TYW3: variants seen among roughly 807,000 people sequenced by gnomAD.
TYW3 encodes tRNA wybutosine-synthesizing protein 3 homolog.
In TYW3, 26 loss-of-function variants were observed where a neutral mutation model predicts 23.1. The ratio of observed to expected loss-of-function variants is 1.13; its 90% CI spans 0.83 to 1.56. TYW3 has a LOEUF of 1.56. Among genes scored for constraint, TYW3 ranks in the 40% most tolerant of loss-of-function variants. The pLI is 0.00. For missense variants in TYW3, 316 were observed against 311.9 expected (o/e 1.01, Z -0.10); for synonymous variants, 102 against 105.7 (o/e 0.97, Z 0.21).
intron 1 of TYW3, among the ~76,000 whole-genome samples, chr1:74,733,684 G>A (rs1338373468): frequency 6.6e-6 from 1 of 152,186 alleles, no homozygotes; most frequent in African/African-American, 2.4e-5. Flanking sequence ...TTTCTAACAA[G>A]TGCCCAAATG....
In TYW3 at chr1:74,764,298, T is replaced by C. The variant is rs1291474227; in HGVS notation, c.*185T>C. Reference sequence around the variant, plus strand: ...CAGTTGTCATCTAAGCTCTCAGCAGTACCCGGCTTATCCTACGACTTCACC... The same window carrying C: ...CAGTTGTCATCTAAGCTCTCAGCAGCACCCGGCTTATCCTACGACTTCACC... On this transcript the variant is annotated 3_prime_UTR_variant, in exon 6 of 6. Coordinates refer to ENST00000370867, the MANE Select transcript of TYW3 (RefSeq NM_138467.3). The C allele has an allele frequency of 1.9e-6, 1 of 517,076 alleles. No homozygotes were observed. The highest frequency in any genetic ancestry group is 3.4e-6 in the Non-Finnish European group (1 of 297,276). 32.0% of individuals were successfully genotyped at this position (517,076 alleles called of 1,614,324 possible).
At chr1:74,746,945 A>T (rs1364602834) in intron 3 of TYW3, among the ~76,000 whole-genome samples, 2 of 152,232 alleles carry the variant, frequency 1.3e-5, no homozygotes, top group African/African-American at 4.8e-5. Context: ...AACAGCAAAA[A>T]TAAAGAAGTT....
intron 3 of TYW3, among the ~76,000 whole-genome samples, chr1:74,747,817 A>ATG (rs1451716124): frequency 8.3e-6 from 1 of 120,908 alleles, no homozygotes; most frequent in Non-Finnish European, 2.1e-5. Context: ...GTACACACAT[A>ATG]TGTATATATA....
At chr1:74,744,054 C>T (rs147774584) in intron 3 of TYW3, among the ~76,000 whole-genome samples, 134 of 152,080 alleles carry the variant, frequency 8.8e-4, no homozygotes, top group African/African-American at 2.2e-3. Flanking sequence ...ATAGCCCAGG[C>T]GTTTTTGTGG....
intron 3 of TYW3, among the ~76,000 whole-genome samples, chr1:74,743,613 C>G (rs1250132597): frequency 6.6e-6 from 1 of 152,098 alleles, no homozygotes; most frequent in Non-Finnish European, 1.5e-5. Context: ...TTTCCTAATT[C>G]TCCTTAGTCC....
At chr1:74,757,418 C>A (rs1648991740) in intron 5 of TYW3, among the ~76,000 whole-genome samples, 1 of 152,242 alleles carries the variant, frequency 6.6e-6, no homozygotes, top group African/African-American at 2.4e-5. Flanking sequence ...GGATGTGAGA[C>A]ATGGAGTCAA....
At chr1:74,745,609 A>C (rs969019899) in intron 3 of TYW3, among the ~76,000 whole-genome samples, 1 of 152,040 alleles carries the variant, frequency 6.6e-6, no homozygotes, top group South Asian at 2.1e-4. Flanking sequence ...CCAAATCCCC[A>C]CTCGACCCAG....
chr1:74,741,288 C>G (rs1183463963), intron 3 of TYW3, among the ~76,000 whole-genome samples: 1 of 152,138 alleles, frequency 6.6e-6, no homozygotes, highest in Non-Finnish European at 1.5e-5. Flanking sequence ...GAGGTAAGAG[C>G]CTTTTTAGTC....
chr1:74,748,860 A>T, intron 4 of TYW3, 38 bp downstream of exon 4: 1 of 1,572,984 alleles, frequency 6.4e-7, no homozygotes, highest in South Asian at 1.1e-5. Context: ...TTTTAGTGTA[A>T]AGTGATCCAG....
intron 5 of TYW3, 55 bp downstream of exon 5, chr1:74,752,480 A>T: frequency 6.6e-7 from 1 of 1,516,076 alleles, no homozygotes; most frequent in Non-Finnish European, 9.0e-7. Context: ...CATCCTTGAA[A>T]ACATTAATAC....
Position 74,752,358 on chromosome 1 carries a change from G to A in TYW3, c.493G>A (p.Glu165Lys), listed in dbSNP as rs758768617. 54 of 1,613,244 alleles carry A rather than the reference G, an allele frequency of 3.3e-5. No individual in the cohort carries two copies. The highest frequency in any genetic ancestry group is 4.4e-5 in the Non-Finnish European group (52 of 1,179,616). The change falls in exon 5 of 6, where the codon GAA becomes AAA. Residue 165 changes from glutamate (E) to lysine (K), a missense_variant. Coordinates refer to ENST00000370867, the MANE Select transcript of TYW3 (RefSeq NM_138467.3). ...SHKGKLMVTE[E>K]YIDFLLNVAN... The stretch of plus-strand genomic sequence containing the variant: ...TAAGGGAAAACTGATGGTGACAGAG[G>A]AATATATTGACTTCCTGTTAAATGT...
chr1:74,754,710 A>T (rs916668149), intron 5 of TYW3, among the ~76,000 whole-genome samples: 11 of 151,278 alleles, frequency 7.3e-5, no homozygotes, highest in East Asian at 1.9e-4. Context: ...TATTTTTAAT[A>T]AAAAAAAAGG....
chr1:74,745,999 C>T (rs1320858753), intron 3 of TYW3, among the ~76,000 whole-genome samples: 1 of 152,188 alleles, frequency 6.6e-6, no homozygotes, highest in Non-Finnish European at 1.5e-5. Flanking sequence ...CTAATTAACA[C>T]CTTAAAGGCC....
intron 4 of TYW3, among the ~76,000 whole-genome samples, chr1:74,750,454 C>T (rs1224555335): frequency 6.6e-6 from 1 of 152,012 alleles, no homozygotes; most frequent in African/African-American, 2.4e-5. Flanking sequence ...ATTACAGCTA[C>T]TTGGGAGGCT....
At chr1:74,749,630 G>T (rs1200090725) in intron 4 of TYW3, among the ~76,000 whole-genome samples, 1 of 152,116 alleles carries the variant, frequency 6.6e-6, no homozygotes, top group Admixed American at 6.5e-5. Flanking sequence ...CCAAATAGGG[G>T]TGGATGACAA....
At chr1:74,743,040 T>C (rs1212800526) in intron 3 of TYW3, among the ~76,000 whole-genome samples, 1 of 152,146 alleles carries the variant, frequency 6.6e-6, no homozygotes, top group African/African-American at 2.4e-5. Context: ...CTGAGTCCTG[T>C]TGTTGGGTCA....
intron 2 of TYW3, among the ~76,000 whole-genome samples, chr1:74,738,407 C>T (rs1488046306): frequency 6.6e-6 from 1 of 152,096 alleles, no homozygotes; most frequent in Non-Finnish European, 1.5e-5. Context: ...AATGAAAAAT[C>T]CGTTATGGAA....
chr1:74,744,812 C>T (rs1415150215), intron 3 of TYW3, among the ~76,000 whole-genome samples: 1 of 152,166 alleles, frequency 6.6e-6, no homozygotes, highest in Non-Finnish European at 1.5e-5. Flanking sequence ...GGAGTTTCTT[C>T]CTTCTTGTGG....
At chr1:74,752,787 A>C (rs973338815) in intron 5 of TYW3, among the ~76,000 whole-genome samples, 3 of 152,192 alleles carry the variant, frequency 2.0e-5, no homozygotes, top group Non-Finnish European at 4.4e-5. Context: ...CACTGCCCCT[A>C]GATGGGACCT....
Sources: allele counts gnomAD v4.1 joint callset (sites outside exome capture counted in the v4.1 genomes callset), GRCh38; gene constraint gnomAD v4.1.1; transcripts MANE v1.5; gene names NCBI Gene and HGNC (gene_info 2026-07-23, HGNC 2026-07-21).